POT1: variants seen among roughly 807,000 people sequenced by gnomAD.
POT1 encodes the protein protection of telomeres protein 1.
In POT1, 47 loss-of-function variants were observed where a neutral mutation model predicts 78.5. The observed-to-expected ratio is 0.60, with a 90% confidence interval of 0.47 to 0.76. POT1 has a LOEUF of 0.76. POT1 is among the 30% of genes least tolerant of loss of function. POT1 has a pLI of 0.00. For synonymous variants in POT1, 259 were observed against 260.7 expected (o/e 0.99, Z 0.06); for missense variants, 646 against 749.9 (o/e 0.86, Z 1.62).
At chr7:124,921,519 T>C (rs1056095048) in intron 2 of POT1, among the ~76,000 whole-genome samples, 1 of 95,310 alleles carries the variant, frequency 1.0e-5, no homozygotes, top group African/African-American at 4.2e-5. Context: ...GAGTAAAATG[T>C]GTAACAAACG....
intron 14 of POT1, among the ~76,000 whole-genome samples, chr7:124,839,600 C>T (rs1475237011): frequency 1.3e-5 from 2 of 152,158 alleles, no homozygotes; most frequent in Non-Finnish European, 2.9e-5. Flanking sequence ...GGTTATAATA[C>T]TTAGAAACAT....
chr7:124,870,955 T>C lies in POT1; in HGVS notation c.211A>G (p.Ile71Val), dbSNP rs776844142. The C allele has an allele frequency of 3.0e-5, 48 of 1,609,822 alleles. No individual in the cohort carries two copies. The highest frequency in any genetic ancestry group is 4.1e-5 in the Non-Finnish European group (48 of 1,177,512). Residue 71 changes from isoleucine (I) to valine (V), a missense_variant, in exon 7 of 19, where the codon ATA becomes GTA. By Grantham distance (29) the Ile-to-Val change is conservative (BLOSUM62 3). Transcript: ENST00000357628. ...LFSGNYEALPIIYKNGDIVRF... is the reference protein window; with the variant it reads ...LFSGNYEALPVIYKNGDIVRF... ...ACAATATCTCCATTTTTATAAATTATTGGAAGGGCTTCATAGTTTCCACTA... is the reference window on the plus strand; with the variant it reads ...ACAATATCTCCATTTTTATAAATTACTGGAAGGGCTTCATAGTTTCCACTA...
intron 3 of POT1, among the ~76,000 whole-genome samples, chr7:124,908,329 A>G (rs1467507704): frequency 6.6e-6 from 1 of 152,024 alleles, no homozygotes; most frequent in East Asian, 1.9e-4. Flanking sequence ...AGTAATACCA[A>G]GGTCATAATT....
Position 124,822,508 on chromosome 7 carries a change from C to A in POT1, c.*1454G>T, listed in dbSNP as rs1188726318. The A allele has an allele frequency of 2.4e-5, 11 of 453,856 alleles. No individual in the cohort carries two copies. Among genetic ancestry groups the A allele is most frequent in the Non-Finnish European group, 4.4e-5 (10 of 225,286 alleles). The allele number at this position is 453,856 out of a possible 1,614,324, so 28.1% of individuals were successfully genotyped here. On this transcript the variant is annotated 3_prime_UTR_variant, in exon 19 of 19. Coordinates refer to ENST00000357628, the MANE Select transcript of POT1 (RefSeq NM_015450.3). ...AGATCTTGCAGGCTCACAGTGTGAA[C>A]ATATGGCACCTTTGGACCTCTACTC...
chr7:124,878,289 G>C (rs1220363525), intron 6 of POT1, among the ~76,000 whole-genome samples: 1 of 152,024 alleles, frequency 6.6e-6, no homozygotes, highest in Non-Finnish European at 1.5e-5. Context: ...CTGAGATCAT[G>C]CCACTGCACT....
rs1227945652 is a variant in POT1, at chr7:124,823,553, T to G, written c.*409A>C. ...TCTGACCACTTTTATTAGGTTGAGG[T>G]GAAATAGAGAAATCTCTACTATCCT... is the stretch of plus-strand genomic sequence containing the variant. On this transcript the variant is annotated 3_prime_UTR_variant, in exon 19 of 19. Coordinates refer to ENST00000357628, the MANE Select transcript of POT1 (RefSeq NM_015450.3). 1.3e-5 allele frequency: 2 copies of G among 155,984 alleles called. No individual in the cohort carries two copies. Among genetic ancestry groups the G allele is most frequent in the Non-Finnish European group, 2.8e-5 (2 of 70,896 alleles). The allele number at this position is 155,984 out of a possible 1,614,324, so 9.7% of individuals were successfully genotyped here. A position where few individuals can be genotyped will look rare whatever the true frequency, so the allele number is the denominator to read the frequency against.
chr7:124,842,511 G>C (rs1795051725), intron 13 of POT1, among the ~76,000 whole-genome samples: 1 of 151,896 alleles, frequency 6.6e-6, no homozygotes, highest in Non-Finnish European at 1.5e-5. Flanking sequence ...TATTTCAGAA[G>C]ATACTTCTGT....
intron 3 of POT1, among the ~76,000 whole-genome samples, chr7:124,908,816 TATAG>T (rs2116679419): frequency 6.6e-6 from 1 of 152,010 alleles, no homozygotes; most frequent in Non-Finnish European, 1.5e-5. Context: ...TTCATACATA[TATAG>T]ATAGTATACC....
intron 12 of POT1, among the ~76,000 whole-genome samples, chr7:124,844,749 A>AAAAAAG (rs1795124418): frequency 6.6e-6 from 1 of 151,020 alleles, no homozygotes; most frequent in African/African-American, 2.4e-5. Flanking sequence ...AAAAAAAAAA[A>AAAAAAG]AAAAAAGGCC....
chr7:124,878,728 G>T (rs973396241), intron 6 of POT1, among the ~76,000 whole-genome samples: 3 of 151,944 alleles, frequency 2.0e-5, no homozygotes, highest in Non-Finnish European at 4.4e-5. Context: ...CAACAAAAAA[G>T]AAAAGGCATT....
chr7:124,894,289 G>C (rs577080687), intron 5 of POT1, among the ~76,000 whole-genome samples: 1 of 151,426 alleles, frequency 6.6e-6, no homozygotes, highest in Non-Finnish European at 1.5e-5. Flanking sequence ...TGGAATAATG[G>C]AATGGAAAGA....
intron 3 of POT1, among the ~76,000 whole-genome samples, chr7:124,902,285 G>T (rs1446592662): frequency 6.6e-6 from 1 of 152,146 alleles, no homozygotes; most frequent in Non-Finnish European, 1.5e-5. Context: ...AAAAAGGTCA[G>T]GTTACCCACA....
chr7:124,851,835 C>T (rs201170286), intron 11 of POT1, 37 bp downstream of exon 11: 4 of 1,346,890 alleles, frequency 3.0e-6, no homozygotes, highest in African/African-American at 2.9e-5. Context: ...TTTTATTTAG[C>T]AAGAACTAAA....
At chr7:124,902,992 G>A (rs1246004520) in intron 3 of POT1, among the ~76,000 whole-genome samples, 1 of 152,122 alleles carries the variant, frequency 6.6e-6, no homozygotes, top group African/African-American at 2.4e-5. Flanking sequence ...AAATATATAT[G>A]CACCCAATAC....
chr7:124,870,640 C>A (rs536564160), intron 7 of POT1, among the ~76,000 whole-genome samples: 2 of 151,990 alleles, frequency 1.3e-5, no homozygotes, highest in Non-Finnish European at 2.9e-5. Context: ...TAGCATTAGT[C>A]TGTATTTAGA....
intron 3 of POT1, among the ~76,000 whole-genome samples, chr7:124,908,957 G>C (rs767691037): frequency 6.6e-6 from 1 of 151,812 alleles, no homozygotes; most frequent in Non-Finnish European, 1.5e-5. Flanking sequence ...TTTCAGATAA[G>C]GGAGAATAAA....
intron 7 of POT1, among the ~76,000 whole-genome samples, chr7:124,866,886 T>C (rs1348241785): frequency 1.3e-5 from 2 of 152,234 alleles, no homozygotes; most frequent in Non-Finnish European, 2.9e-5. Flanking sequence ...AGATTCTAAC[T>C]ATACTTGCCT....
At chr7:124,867,366 G>T (rs1328841821) in intron 7 of POT1, among the ~76,000 whole-genome samples, 1 of 151,922 alleles carries the variant, frequency 6.6e-6, no homozygotes, top group Non-Finnish European at 1.5e-5. Flanking sequence ...ACCCTCTAAT[G>T]ACTTCTCATT....
rs187323589 is a variant in POT1, at chr7:124,837,347, T to C, written c.1370-1933A>G. 5.9e-5 allele frequency: 9 copies of C among 152,894 alleles called. No homozygotes were observed. The East Asian group carries it at 1.7e-3, about 29-fold the overall frequency. 9.5% of individuals were successfully genotyped at this position (152,894 alleles called of 1,614,324 possible). Reference sequence around the variant, plus strand: ...CAGTGACATTAGAGTTCCATACAAATTGGATTCAATTCAATTGGAAACAAT... The same window carrying C: ...CAGTGACATTAGAGTTCCATACAAACTGGATTCAATTCAATTGGAAACAAT... On this transcript the variant is annotated intron_variant, in intron 14 of 18. Transcript: ENST00000357628.
Sources: gnomAD v4.1 joint callset for allele counts (sites outside exome capture counted in the v4.1 genomes callset) on GRCh38, gnomAD v4.1.1 for gene constraint, MANE v1.5 for transcripts, NCBI Gene and HGNC (gene_info 2026-07-23, HGNC 2026-07-21) for gene names.